Variants in BRD10 observed in about 807,000 individuals in gnomAD.
The protein encoded by BRD10 is bromodomain containing 10, also known as uncharacterized bromodomain-containing protein 10.
chr9:5,941,580 A>G, the BRD10 span, among the ~76,000 whole-genome samples: 4 of 152,204 alleles, frequency 2.6e-5, no homozygotes, highest in Non-Finnish European at 5.9e-5. Context: ...TGAACTGCGT[A>G]TAAATTTCAG....
At chr9:5,991,942 C>T in the BRD10 span, among the ~76,000 whole-genome samples, 1 of 152,152 alleles carries the variant, frequency 6.6e-6, no homozygotes, top group Admixed American at 6.5e-5. Context: ...GTCATACCAA[C>T]ACAACTGTTT....
At chr9:5,971,052 CAAAAAAAAAAAAAAAA>C in the BRD10 span, among the ~76,000 whole-genome samples, 1 of 43,198 alleles carries the variant, frequency 2.3e-5, no homozygotes, top group African/African-American at 7.8e-5. Flanking sequence ...AGCAACGTCT[CAAAAAAAAAAAAAAAA>C]AAAAAAAAAA....
chr9:5,975,086 G>C, the BRD10 span, among the ~76,000 whole-genome samples: 1 of 152,020 alleles, frequency 6.6e-6, no homozygotes, highest in African/African-American at 2.4e-5. Context: ...GCAGAAAAAT[G>C]ACCCATGATG....
the BRD10 span, chr9:5,922,674 T>C: frequency 6.2e-7 from 1 of 1,613,976 alleles, no homozygotes; most frequent in Non-Finnish European, 8.5e-7. Flanking sequence ...ACAAAATTCT[T>C]AGGCAGAATA....
At chr9:5,956,676 T>C in the BRD10 span, among the ~76,000 whole-genome samples, 5 of 152,140 alleles carry the variant, frequency 3.3e-5, no homozygotes, top group Non-Finnish European at 7.4e-5. Context: ...AAACAGAAAA[T>C]CTTTTAATTT....
At chr9:5,925,219 C>T in the BRD10 span, among the ~76,000 whole-genome samples, 4 of 151,824 alleles carry the variant, frequency 2.6e-5, no homozygotes, top group Non-Finnish European at 4.4e-5. Context: ...ATTAGCCAGG[C>T]GTGGTGGTGG....
the BRD10 span, among the ~76,000 whole-genome samples, chr9:5,893,718 A>C: frequency 3.9e-5 from 6 of 152,144 alleles, no homozygotes. Context: ...AAAATTCAAG[A>C]GTAAAGAGTT....
the BRD10 span, among the ~76,000 whole-genome samples, chr9:5,972,586 A>G: frequency 0.24 from 36,971 of 151,888 alleles, 4,639 homozygotes; most frequent in South Asian, 0.35. Context: ...ACAAGAACTA[A>G]TTGTTAAAAT....
the BRD10 span, among the ~76,000 whole-genome samples, chr9:5,917,814 T>A: frequency 6.6e-6 from 1 of 152,122 alleles, no homozygotes. Flanking sequence ...GATAGCACCA[T>A]GGCACTCCAG....
At chr9:6,008,264 C>T in the BRD10 span, 2 of 984,110 alleles carry the variant, frequency 2.0e-6, no homozygotes, top group Non-Finnish European at 2.4e-6. Flanking sequence ...CTCACACCCC[C>T]TCCCGCCCCC....
At chr9:5,930,563 A>G in the BRD10 span, among the ~76,000 whole-genome samples, 1 of 152,088 alleles carries the variant, frequency 6.6e-6, no homozygotes, top group Non-Finnish European at 1.5e-5. Context: ...ATTGCTTACT[A>G]GAAGAGTAGG....
At chr9:5,925,760 A>G in the BRD10 span, among the ~76,000 whole-genome samples, 5 of 152,232 alleles carry the variant, frequency 3.3e-5, no homozygotes, top group African/African-American at 9.6e-5. Context: ...ATATAAAAAC[A>G]TAATAGCTTT....
the BRD10 span, among the ~76,000 whole-genome samples, chr9:5,930,782 G>C: frequency 6.6e-6 from 1 of 152,248 alleles, no homozygotes; most frequent in East Asian, 1.9e-4. Context: ...TTAAAAATGA[G>C]CTACACCTTA....
chr9:5,963,693 G>C, the BRD10 span, among the ~76,000 whole-genome samples: 1 of 152,110 alleles, frequency 6.6e-6, no homozygotes, highest in African/African-American at 2.4e-5. Context: ...CATGGTACTG[G>C]TACCAAAACA....
chr9:5,980,231 A>G, the BRD10 span, among the ~76,000 whole-genome samples: 1 of 152,296 alleles, frequency 6.6e-6, no homozygotes, highest in African/African-American at 2.4e-5. Context: ...ACTTTCACTT[A>G]GAGGGCTGCT....
At chr9:5,888,907 T>C in the BRD10 span, among the ~76,000 whole-genome samples, 1 of 152,158 alleles carries the variant, frequency 6.6e-6, no homozygotes, top group Non-Finnish European at 1.5e-5. Context: ...AATTTCTCAA[T>C]TGAGTTGTGA....
the BRD10 span, among the ~76,000 whole-genome samples, chr9:5,982,729 C>A: frequency 2.0e-5 from 3 of 152,114 alleles, no homozygotes; most frequent in African/African-American, 7.2e-5. Flanking sequence ...TTATAAGCAA[C>A]AGAAAATAAA....
At chr9:5,914,186 G>A in the BRD10 span, 6 of 347,524 alleles carry the variant, frequency 1.7e-5, no homozygotes, top group Non-Finnish European at 3.3e-5. Context: ...TCATGTCTGC[G>A]AGGAAGGTTA....
At chr9:5,925,050 T>C in the BRD10 span, among the ~76,000 whole-genome samples, 1 of 152,050 alleles carries the variant, frequency 6.6e-6, no homozygotes, top group Non-Finnish European at 1.5e-5. Flanking sequence ...CATAAGAAAC[T>C]TGAAACTTAA....
Sources: gnomAD v4.1 joint callset for allele counts (sites outside exome capture counted in the v4.1 genomes callset) on GRCh38, gnomAD v4.1.1 for gene constraint, MANE v1.5 for transcripts, NCBI Gene and HGNC (gene_info 2026-07-23, HGNC 2026-07-21) for gene names.